Variants in KCNQ1 observed in about 807,000 individuals in gnomAD.
KCNQ1 encodes potassium voltage-gated channel subfamily KQT member 1.
In KCNQ1, 49 loss-of-function variants were observed where a neutral mutation model predicts 72.4. The observed-to-expected ratio is 0.68, with a 90% CI of 0.54 to 0.86. The LOEUF (loss-of-function observed/expected upper bound fraction) is 0.86. Ranked by LOEUF, KCNQ1 falls within the 40% of genes least tolerant of loss-of-function variation. The pLI is 0.00. For missense variants in KCNQ1, 790 were observed against 945.1 expected (o/e 0.84, Z 2.15); for synonymous variants, 450 against 412.6 (o/e 1.09, Z -1.10).
rs1307326995 is a variant in KCNQ1, at chr11:2,600,261, G to T, written c.1393+11407G>T. 6.6e-6 allele frequency among the ~76,000 whole-genome samples: 1 copy of T among 152,090 alleles called. No individual in the cohort carries two copies. Among genetic ancestry groups the T allele is most frequent in the Non-Finnish European group, 1.5e-5 (1 of 68,010 alleles). On this transcript the variant is annotated intron_variant, in intron 10 of 15. Coordinates refer to ENST00000155840, the MANE Select transcript of KCNQ1 (RefSeq NM_000218.3). This position sits in a 1 kb window ranked among gnomAD's most constrained non-coding sequence, Gnocchi z 5.6. ...TACATGTCCCCTGGAGGGCAAAATT[G>T]CCCCCAGTTGTGACCTGCTGAGCTA...
chr11:2,672,019 C>T (rs903358304), intron 11 of KCNQ1: 7 of 398,544 alleles, frequency 1.8e-5, no homozygotes, highest in Admixed American at 4.4e-5. Flanking sequence ...TTGGGCTTGT[C>T]TCCCTACCCT....
chr11:2,837,206 G>A (rs1001672851), intron 15 of KCNQ1, among the ~76,000 whole-genome samples: 3 of 152,176 alleles, frequency 2.0e-5, no homozygotes, highest in Non-Finnish European at 2.9e-5. Context: ...AGCCAAGAGC[G>A]CCCGGGGAGA....
chr11:2,529,465 G>T (rs921219750), intron 2 of KCNQ1, among the ~76,000 whole-genome samples: 2 of 130,428 alleles, frequency 1.5e-5, no homozygotes, highest in African/African-American at 5.8e-5. Context: ...CCAGGAGCAT[G>T]GTGTGTGTGT....
rs1589979341 is a variant in KCNQ1 at position 2,608,894 on chromosome 11, T to C, written c.1393+20040T>C. On this transcript the variant is annotated intron_variant, in intron 10 of 15. Coordinates refer to ENST00000155840, the MANE Select transcript of KCNQ1 (RefSeq NM_000218.3). The surrounding 1 kb of genome is among the most constrained non-coding windows in gnomAD (Gnocchi z 4.6). ...CATGCACTTCCCTCTCTGTCTTTCC[T>C]CCTCCCCCTCTTTCTTCCTCCCCTT... is the stretch of plus-strand genomic sequence containing the variant. The C allele has an allele frequency of 5.0e-6, 2 of 398,338 alleles. No individual in the cohort carries two copies. Among genetic ancestry groups the C allele is most frequent in the East Asian group, 3.6e-5 (1 of 28,060 alleles). The allele number at this position is 398,338 out of a possible 1,614,324, so 24.7% of individuals were successfully genotyped here. A position where few individuals can be genotyped will look rare whatever the true frequency, so the allele number is the denominator to read the frequency against.
rs1360116657 is a variant in KCNQ1, at chr11:2,547,262, C to G, written c.477+19244C>G. Among the ~76,000 whole-genome samples, 1 of 152,062 alleles carries G rather than the reference C, an allele frequency of 6.6e-6. No homozygotes were observed. Among genetic ancestry groups the G allele is most frequent in the African/African-American group, 2.4e-5 (1 of 41,384 alleles). On this transcript the variant is annotated intron_variant, in intron 2 of 15. Transcript: ENST00000155840. The surrounding 1 kb of genome is among the most constrained non-coding windows in gnomAD (Gnocchi z 4.2). The stretch of plus-strand genomic sequence containing the variant: ...TATTTATTTTTGCGAAACAGTTTCC[C>G]TCTGTTGCCCAGGCTAGAGTGCAGT...
rs147769797 is a variant in KCNQ1 at position 2,777,801 on chromosome 11, C to T, written c.1733-175C>T. The T allele has an allele frequency of 1.1e-3, 694 of 648,360 alleles. 5 individuals are homozygous for T. In the East Asian group the frequency reaches 0.014, roughly 13 times the overall value. 40.2% of individuals were successfully genotyped at this position (648,360 alleles called of 1,614,324 possible). On this transcript the variant is annotated intron_variant, in intron 14 of 15. Coordinates refer to ENST00000155840, the MANE Select transcript of KCNQ1 (RefSeq NM_000218.3). ...CCCAGCTGCAGCCATGCCCGGCCAC[C>T]GTACCACCCCTGGTATTTTTGTCAT... is the stretch of plus-strand genomic sequence containing the variant.
intron 12 of KCNQ1, among the ~76,000 whole-genome samples, chr11:2,774,379 C>T (rs2133987363): frequency 6.6e-6 from 1 of 152,222 alleles, no homozygotes; most frequent in South Asian, 2.1e-4. Flanking sequence ...GCAGGCCCTT[C>T]CTTCCATGGG....
In KCNQ1 at chr11:2,658,280, A is replaced by G. The variant is rs1849887673; in HGVS notation, c.1394-3681A>G. ...CTTCTATTTTCCTCATTCCTTCTAC[A>G]TTTTTTATTTGGAATTCCTTTATAA... On this transcript the variant is annotated intron_variant, in intron 10 of 15. Coordinates refer to ENST00000155840, the MANE Select transcript of KCNQ1 (RefSeq NM_000218.3). The surrounding 1 kb of genome is among the most constrained non-coding windows in gnomAD (Gnocchi z 4.9). The G allele has an allele frequency of 1.8e-5, 7 of 398,232 alleles. No homozygotes were observed. The Admixed American group carries it at 2.2e-4, about 13-fold the overall frequency. 24.7% of individuals were successfully genotyped at this position (398,232 alleles called of 1,614,324 possible).
intron 10 of KCNQ1, among the ~76,000 whole-genome samples, chr11:2,591,673 G>T (rs1848672498): frequency 1.3e-5 from 2 of 152,248 alleles, no homozygotes; most frequent in Admixed American, 6.5e-5. Context: ...CCTGGTTAGT[G>T]TTATGAAGTC....
Position 2,544,891 on chromosome 11 carries a change from C to T in KCNQ1, c.477+16873C>T, listed in dbSNP as rs1368316282. Among the ~76,000 whole-genome samples, 1 of 152,194 alleles carries T rather than the reference C, an allele frequency of 6.6e-6. No homozygotes were observed. Among genetic ancestry groups the T allele is most frequent in the African/African-American group, 2.4e-5 (1 of 41,452 alleles). The stretch of plus-strand genomic sequence containing the variant: ...GCTGTGTCCCCAGCCTTAGAAGACA[C>T]ACATCATTGTTCACCGTCAAGGGTG... On this transcript the variant is annotated intron_variant, in intron 2 of 15. Coordinates refer to ENST00000155840, the MANE Select transcript of KCNQ1 (RefSeq NM_000218.3). The surrounding 1 kb of genome is among the most constrained non-coding windows in gnomAD (Gnocchi z 4.4).
At position 2,458,352 on chromosome 11, in the gene KCNQ1, G is replaced by A. The variant is rs182643077; in HGVS notation, c.386+12868G>A. Among the ~76,000 whole-genome samples the A allele has an allele frequency of 2.2e-3, 330 of 152,346 alleles. 2 individuals carry two copies. Among genetic ancestry groups the A allele is most frequent in the South Asian group, 0.011 (54 of 4,830 alleles). On this transcript the variant is annotated intron_variant, in intron 1 of 15. Coordinates refer to ENST00000155840, the MANE Select transcript of KCNQ1 (RefSeq NM_000218.3). This position sits in a 1 kb window ranked among gnomAD's most constrained non-coding sequence, Gnocchi z 4.6. ...GGTCAATAGGGAGACCGCTCATGAT[G>A]TTGAATCCTGGCAAGCAAACGGAGA... is the stretch of plus-strand genomic sequence containing the variant.
chr11:2,698,320 G>T lies in KCNQ1; in HGVS notation c.1514+36239G>T, dbSNP rs144550367. 1,093 of 398,568 alleles carry T rather than the reference G, an allele frequency of 2.7e-3. 8 individuals are homozygous for T. Among genetic ancestry groups the T allele is most frequent in the Admixed American group, 7.2e-3 (163 of 22,724 alleles). 24.7% of individuals were successfully genotyped at this position (398,568 alleles called of 1,614,324 possible). A position where few individuals can be genotyped will look rare whatever the true frequency, so the allele number is the denominator to read the frequency against. Reference sequence around the variant, plus strand: ...TATTCTCTTTCATAACCAGAACAGTGCTGTGGGAAGGCACTCTTACTCTCA... The same window carrying T: ...TATTCTCTTTCATAACCAGAACAGTTCTGTGGGAAGGCACTCTTACTCTCA... On this transcript the variant is annotated intron_variant, in intron 11 of 15. Transcript: ENST00000155840. This position sits in a 1 kb window ranked among gnomAD's most constrained non-coding sequence, Gnocchi z 5.1.
chr11:2,842,659 C>T (rs375509903), intron 15 of KCNQ1, among the ~76,000 whole-genome samples: 4 of 152,250 alleles, frequency 2.6e-5, no homozygotes, highest in Non-Finnish European at 5.9e-5. Context: ...CAGGTTCGTA[C>T]GAGGTACACA....
rs79516994 is a variant in KCNQ1, at chr11:2,746,915, G to C, written c.1515-21929G>C. ...AAGGGACCTCCTGGGAATGAGGTCTGGCCTCTGCCTGGATCAAAGCCATGG... is the reference window on the plus strand; with the variant it reads ...AAGGGACCTCCTGGGAATGAGGTCTCGCCTCTGCCTGGATCAAAGCCATGG... On this transcript the variant is annotated intron_variant, in intron 11 of 15. Coordinates refer to ENST00000155840, the MANE Select transcript of KCNQ1 (RefSeq NM_000218.3). The surrounding 1 kb of genome is among the most constrained non-coding windows in gnomAD (Gnocchi z 5.9). Among the ~76,000 whole-genome samples, 1,839 of 152,322 alleles carry C rather than the reference G, an allele frequency of 0.012. 72 individuals are homozygous for C. Among genetic ancestry groups the C allele is most frequent in the East Asian group, 0.11 (569 of 5,178 alleles).
intron 11 of KCNQ1, chr11:2,686,192 C>A (rs1334758309): frequency 7.5e-6 from 3 of 398,846 alleles, no homozygotes; most frequent in Non-Finnish European, 8.8e-6. Context: ...ACTCATCCTG[C>A]CCAAAACCCT....
chr11:2,847,644 A>G (rs1848358058), intron 15 of KCNQ1, 123 bp from the exon 16 acceptor site: 1 of 868,352 alleles, frequency 1.2e-6, no homozygotes, highest in Admixed American at 2.0e-5. Context: ...GCCTGCATAC[A>G]GCATGCACTT....
At chr11:2,643,689 T>C (rs1159282098) in intron 10 of KCNQ1, 2 of 398,556 alleles carry the variant, frequency 5.0e-6, no homozygotes, top group East Asian at 3.6e-5. Flanking sequence ...CTGTCATTAA[T>C]TGATTTCTGA....
chr11:2,467,261 A>G (rs1408663596), intron 1 of KCNQ1, among the ~76,000 whole-genome samples: 1 of 152,128 alleles, frequency 6.6e-6, no homozygotes, highest in Non-Finnish European at 1.5e-5. Context: ...GGGCTGAGCC[A>G]TGAGCGCCCT....
intron 1 of KCNQ1, among the ~76,000 whole-genome samples, chr11:2,460,341 G>T (rs1846257463): frequency 6.6e-6 from 1 of 152,242 alleles, no homozygotes; most frequent in South Asian, 2.1e-4. Flanking sequence ...CTTTCAAAGG[G>T]CTCTGTGGCT....
Sources: allele counts gnomAD v4.1 joint callset (sites outside exome capture counted in the v4.1 genomes callset), GRCh38; gene constraint gnomAD v4.1.1; non-coding constraint Gnocchi (gnomAD v3.1); transcripts MANE v1.5; gene names NCBI Gene and HGNC (gene_info 2026-07-23, HGNC 2026-07-21).